The following ME1 variants were observed in gnomAD, a reference collection of about 807,000 sequenced individuals.
ME1 encodes the protein NADP-dependent malic enzyme.
A neutral mutation model predicts 66.4 loss-of-function variants in ME1; 74 were observed. The ratio of observed to expected loss-of-function variants is 1.11; its 90% CI spans 0.92 to 1.35. The LOEUF (loss-of-function observed/expected upper bound fraction) is 1.35. Among genes scored for constraint, ME1 ranks in the 40% most tolerant of loss-of-function variants. The probability of loss-of-function intolerance (pLI) is 0.00; values close to 1 mark genes in which losing one functional copy is unlikely to be tolerated. For missense variants in ME1, 750 were observed against 694.1 expected (o/e 1.08, Z -0.90); for synonymous variants, 251 against 235.6 (o/e 1.07, Z -0.60).
chr6:83,346,429 G>A (rs953911418), intron 4 of ME1, 95 bp from the exon 5 acceptor site: 3 of 703,962 alleles, frequency 4.3e-6, no homozygotes. Flanking sequence ...TAGTGAAATA[G>A]TAAGCTGTTA....
chr6:83,217,326 C>T (rs1790012320), intron 12 of ME1, among the ~76,000 whole-genome samples: 1 of 152,112 alleles, frequency 6.6e-6, no homozygotes, highest in Admixed American at 6.5e-5. Flanking sequence ...AATGTGGATG[C>T]AGAGAGGGAG....
At chr6:83,369,556 GT>G (rs1308206911) in intron 3 of ME1, among the ~76,000 whole-genome samples, 1 of 151,902 alleles carries the variant, frequency 6.6e-6, no homozygotes, top group Admixed American at 6.6e-5. Context: ...ACCCAGAGAG[GT>G]TGAGATTGGA....
intron 6 of ME1, among the ~76,000 whole-genome samples, chr6:83,272,766 T>C (rs1388768302): frequency 6.6e-6 from 1 of 152,232 alleles, no homozygotes; most frequent in Non-Finnish European, 1.5e-5. Context: ...AGCAGGTATA[T>C]ATGCAGATAA....
chr6:83,285,632 A>C (rs1227104239), intron 6 of ME1, among the ~76,000 whole-genome samples: 2 of 152,178 alleles, frequency 1.3e-5, no homozygotes, highest in Non-Finnish European at 2.9e-5. Flanking sequence ...AGGGATAAAG[A>C]AAGGCATGGA....
chr6:83,380,037 G>A (rs1414835832), intron 3 of ME1, among the ~76,000 whole-genome samples: 1 of 152,050 alleles, frequency 6.6e-6, no homozygotes, highest in East Asian at 1.9e-4. Context: ...TACAAGGCTG[G>A]CAATGTTTGT....
chr6:83,427,971 C>T (rs1435816506), intron 1 of ME1, among the ~76,000 whole-genome samples: 1 of 150,470 alleles, frequency 6.6e-6, no homozygotes, highest in African/African-American at 2.5e-5. Context: ...TAGATCACAC[C>T]ACTGCACTCC....
At chr6:83,291,497 T>A (rs1419643129) in intron 6 of ME1, among the ~76,000 whole-genome samples, 2 of 152,242 alleles carry the variant, frequency 1.3e-5, no homozygotes, top group African/African-American at 4.8e-5. Context: ...CCACTGTTAG[T>A]CTGATTGGCT....
chr6:83,243,135 A>G (rs1311363790), intron 7 of ME1, among the ~76,000 whole-genome samples: 2 of 151,140 alleles, frequency 1.3e-5, no homozygotes, highest in African/African-American at 4.9e-5. Flanking sequence ...GTGTGATGGT[A>G]CATGCCTGTA....
intron 9 of ME1, among the ~76,000 whole-genome samples, chr6:83,233,644 G>A (rs1389604507): frequency 6.6e-6 from 1 of 151,584 alleles, no homozygotes; most frequent in African/African-American, 2.4e-5. Flanking sequence ...TTTAAAAAGT[G>A]GAGTTTCACC....
At chr6:83,328,625 A>C (rs1347956203) in intron 5 of ME1, among the ~76,000 whole-genome samples, 1 of 152,216 alleles carries the variant, frequency 6.6e-6, no homozygotes, top group African/African-American at 2.4e-5. Flanking sequence ...AACATTATTC[A>C]GTTTTGATAA....
chr6:83,430,647 C>T (rs1044798802), intron 1 of ME1, among the ~76,000 whole-genome samples: 1 of 152,246 alleles, frequency 6.6e-6, no homozygotes, highest in East Asian at 1.9e-4. Flanking sequence ...CATGGGATGC[C>T]GAGGTGCAGA....
At chr6:83,273,339 A>T (rs578097817) in intron 6 of ME1, among the ~76,000 whole-genome samples, 4 of 152,164 alleles carry the variant, frequency 2.6e-5, no homozygotes, top group Admixed American at 2.6e-4. Context: ...TTGACTAAAA[A>T]TATACAGGAA....
chr6:83,388,018 A>C (rs946647916), intron 3 of ME1, among the ~76,000 whole-genome samples: 1 of 152,066 alleles, frequency 6.6e-6, no homozygotes, highest in Non-Finnish European at 1.5e-5. Context: ...AACACATTTA[A>C]AATTTAGCAT....
intron 5 of ME1, among the ~76,000 whole-genome samples, chr6:83,341,707 C>T (rs1022662899): frequency 1.3e-5 from 2 of 151,992 alleles, no homozygotes; most frequent in Admixed American, 6.5e-5. Context: ...GGTCTGGAGG[C>T]GGGGAATCTA....
At chr6:83,389,034 A>G (rs1343630609) in intron 3 of ME1, among the ~76,000 whole-genome samples, 1 of 152,114 alleles carries the variant, frequency 6.6e-6, no homozygotes, top group Non-Finnish European at 1.5e-5. Context: ...CAGGAGAATC[A>G]CTTGAATCCG....
chr6:83,284,066 C>T (rs1767354601), intron 6 of ME1, among the ~76,000 whole-genome samples: 2 of 152,128 alleles, frequency 1.3e-5, no homozygotes, highest in Admixed American at 1.3e-4. Context: ...GCAACCAATT[C>T]CACAGAAACA....
rs144423203 is a variant in ME1, at chr6:83,245,532, A to G, written c.815-5896T>C. 6.1e-3 allele frequency among the ~76,000 whole-genome samples: 922 copies of G among 152,148 alleles called. 6 individuals are homozygous for G. Among genetic ancestry groups the G allele is most frequent in the South Asian group, 0.025 (120 of 4,804 alleles). ...GCGATTCTCCTGCCTCAGCGTCCCA[A>G]ATAGCTAGGATTACAGGCATGCACC... On this transcript the variant is annotated intron_variant, in intron 7 of 13. Transcript: ENST00000369705.
At chr6:83,333,485 C>T (rs1768456186) in intron 5 of ME1, among the ~76,000 whole-genome samples, 1 of 152,006 alleles carries the variant, frequency 6.6e-6, no homozygotes, top group Non-Finnish European at 1.5e-5. Context: ...AAAATAAGAA[C>T]ATTATGAGTA....
chr6:83,340,350 C>T (rs1371987542), intron 5 of ME1, among the ~76,000 whole-genome samples: 1 of 152,010 alleles, frequency 6.6e-6, no homozygotes, highest in Admixed American at 6.6e-5. Flanking sequence ...AAAATAATGC[C>T]TCTAATATAT....
Sources: allele counts gnomAD v4.1 joint callset (sites outside exome capture counted in the v4.1 genomes callset), GRCh38; gene constraint gnomAD v4.1.1; transcripts MANE v1.5; gene names NCBI Gene and HGNC (gene_info 2026-07-23, HGNC 2026-07-21).